Variants in EYA1 observed in about 807,000 individuals in gnomAD.
EYA1 encodes EYA transcriptional coactivator and phosphatase 1.
EYA1 carries 16 observed loss-of-function variants against 82.0 expected under a neutral mutation model. The ratio of observed to expected loss-of-function variants is 0.20; its 90% CI spans 0.13 to 0.30. The LOEUF is 0.30. Ranked by LOEUF, EYA1 falls within the 10% of genes least tolerant of loss-of-function variation. The pLI, the probability that EYA1 is intolerant of heterozygous loss-of-function variation, is 1.00. For synonymous variants in EYA1, 261 were observed against 264.4 expected (o/e 0.99, Z 0.12); for missense variants, 633 against 730.7 (o/e 0.87, Z 1.54).
rs115658830 is a variant in EYA1 at position 71,439,539 on chromosome 8, T to A, written c.34-83028A>T. 4.7e-3 allele frequency among the ~76,000 whole-genome samples: 714 copies of A among 152,338 alleles called. 2 individuals are homozygous for A. Among genetic ancestry groups the A allele is most frequent in the African/African-American group, 0.016 (680 of 41,570 alleles). On this transcript the variant is annotated intron_variant, in intron 2 of 18. Coordinates refer to the EYA1 transcript ENST00000643681. ...TATGGGACCTGTACTTTAGGGTAGA[T>A]TCATATTTTCTAATTCATTCAGTAA...
chr8:71,312,087 G>A (rs912487279), intron 7 of EYA1, among the ~76,000 whole-genome samples: 6 of 152,206 alleles, frequency 3.9e-5, no homozygotes, highest in African/African-American at 1.4e-4. Flanking sequence ...GGCTGTGCAA[G>A]TGTCAAAGCA....
chr8:71,275,932 C>T (rs1397629417), intron 9 of EYA1, among the ~76,000 whole-genome samples: 2 of 152,150 alleles, frequency 1.3e-5, no homozygotes, highest in African/African-American at 4.8e-5. Flanking sequence ...TCTTGACTTC[C>T]CTTACTTCTG....
At chr8:71,394,403 T>C (rs1323325582) in intron 2 of EYA1, among the ~76,000 whole-genome samples, 1 of 152,226 alleles carries the variant, frequency 6.6e-6, no homozygotes, top group African/African-American at 2.4e-5. Flanking sequence ...TCGGTTTTCT[T>C]CTAGGGTTGT....
upstream of EYA1, among the ~76,000 whole-genome samples, chr8:71,365,982 G>A (rs1414208517): frequency 1.3e-5 from 2 of 152,100 alleles, no homozygotes; most frequent in Non-Finnish European, 2.9e-5. Context: ...CTGTACCATG[G>A]AAAATTATTT....
At chr8:71,358,549 A>G (rs539875360) in intron 1 of EYA1, among the ~76,000 whole-genome samples, 2 of 152,328 alleles carry the variant, frequency 1.3e-5, no homozygotes, top group African/African-American at 2.4e-5. Context: ...CTGAATCCAC[A>G]TCGTGGTCCA....
chr8:71,326,562 G>A (rs776895048), intron 4 of EYA1, among the ~76,000 whole-genome samples: 1 of 152,184 alleles, frequency 6.6e-6, no homozygotes, highest in Non-Finnish European at 1.5e-5. Context: ...GGGGTGAGGG[G>A]ACACTTTCAA....
At chr8:71,349,326 C>T (rs892587512) in intron 3 of EYA1, among the ~76,000 whole-genome samples, 1 of 152,194 alleles carries the variant, frequency 6.6e-6, no homozygotes, top group Non-Finnish European at 1.5e-5. Context: ...CATCATTCAG[C>T]CATGAAGGCA....
At chr8:71,262,076 T>C (rs540739497) in intron 11 of EYA1, among the ~76,000 whole-genome samples, 1 of 152,214 alleles carries the variant, frequency 6.6e-6, no homozygotes, top group African/African-American at 2.4e-5. Context: ...TCTCTAAGCC[T>C]GGGTCAATTA....
intron 9 of EYA1, among the ~76,000 whole-genome samples, chr8:71,276,200 C>A (rs557046050): frequency 6.6e-6 from 1 of 152,156 alleles, no homozygotes; most frequent in African/African-American, 2.4e-5. Flanking sequence ...GAAGCAAATC[C>A]TTTGTTATCT....
chr8:71,329,084 T>A (rs1020317114), intron 4 of EYA1, among the ~76,000 whole-genome samples: 1 of 152,166 alleles, frequency 6.6e-6, no homozygotes, highest in Non-Finnish European at 1.5e-5. Context: ...TAAGTAGTGA[T>A]GAAGGGTGCG....
chr8:71,362,932 C>G (rs1458885331), upstream of EYA1, among the ~76,000 whole-genome samples: 1 of 152,126 alleles, frequency 6.6e-6, no homozygotes, highest in African/African-American at 2.4e-5. Context: ...TTCAAATATT[C>G]AAAGAAGGCA....
rs543422305 is a variant in EYA1, at chr8:71,462,575, A to T, written c.33+73169T>A. ...GGCCCCAGCAGCTCAGCCCAGCCCTAGTGACCCCCAGGGTGGCAGGCTCCG... is the reference window on the plus strand; with the variant it reads ...GGCCCCAGCAGCTCAGCCCAGCCCTTGTGACCCCCAGGGTGGCAGGCTCCG... On this transcript the variant is annotated intron_variant, in intron 2 of 18. Coordinates refer to the EYA1 transcript ENST00000643681. Among the ~76,000 whole-genome samples the T allele has an allele frequency of 3.0e-3, 462 of 152,266 alleles. 3 individuals carry two copies. Among genetic ancestry groups the T allele is most frequent in the African/African-American group, 0.011 (438 of 41,562 alleles).
At chr8:71,350,892 C>T (rs910289113) in intron 3 of EYA1, among the ~76,000 whole-genome samples, 5 of 152,122 alleles carry the variant, frequency 3.3e-5, no homozygotes, top group Non-Finnish European at 5.9e-5. Context: ...TAATTACATA[C>T]GTAAATAAAA....
intron 6 of EYA1, among the ~76,000 whole-genome samples, chr8:71,320,566 T>A (rs2129029820): frequency 6.6e-6 from 1 of 152,238 alleles, no homozygotes; most frequent in East Asian, 1.9e-4. Context: ...AAATTCCATT[T>A]TAGGGCTGTC....
At chr8:71,528,400 G>A (rs1004090673) in intron 2 of EYA1, among the ~76,000 whole-genome samples, 2 of 152,184 alleles carry the variant, frequency 1.3e-5, no homozygotes, top group African/African-American at 2.4e-5. Flanking sequence ...TAATTTTCCT[G>A]TCAAGGTTTT....
chr8:71,216,938 G>A (rs1210275032), intron 13 of EYA1, 27 bp downstream of exon 13: 3 of 1,611,422 alleles, frequency 1.9e-6, no homozygotes, highest in Non-Finnish European at 2.5e-6. Context: ...AAAGGGAGAT[G>A]GTCACTTCAC....
intron 2 of EYA1, among the ~76,000 whole-genome samples, chr8:71,465,118 G>A (rs780700936): frequency 6.6e-6 from 1 of 152,126 alleles, no homozygotes; most frequent in Non-Finnish European, 1.5e-5. Context: ...TTCACTAAAT[G>A]ATACTTTATT....
At position 71,337,130 on chromosome 8, in the gene EYA1, C is replaced by T. The variant is rs190014326; in HGVS notation, c.125-2956G>A. On this transcript the variant is annotated intron_variant, in intron 3 of 17. Transcript: ENST00000340726. ...AACGCTTTGAATTTAAAAACATACA[C>T]TGAGTTTTCTTGGTCTTAGAGGTTT... Among the ~76,000 whole-genome samples the T allele has an allele frequency of 2.8e-3, 426 of 152,296 alleles. 1 individual carries two copies. Among genetic ancestry groups the T allele is most frequent in the Non-Finnish European group, 3.5e-3 (240 of 68,024 alleles).
intron 2 of EYA1, among the ~76,000 whole-genome samples, chr8:71,388,453 G>A (rs777241898): frequency 3.5e-4 from 53 of 152,070 alleles, no homozygotes; most frequent in Non-Finnish European, 5.1e-4. Context: ...AGAGTTTTTC[G>A]GTTGTCTGTG....
Sources: gnomAD v4.1 joint callset for allele counts (sites outside exome capture counted in the v4.1 genomes callset) on GRCh38, gnomAD v4.1.1 for gene constraint, MANE v1.5 for transcripts, NCBI Gene and HGNC (gene_info 2026-07-23, HGNC 2026-07-21) for gene names.